HDAC9: variants seen among roughly 807,000 people sequenced by gnomAD.
HDAC9 encodes MEF-2 interacting transcription repressor (MITR) protein.
Under a neutral mutation model 139.4 loss-of-function variants are expected in HDAC9, and 41 were observed. The ratio of observed to expected loss-of-function variants is 0.29; its 90% CI spans 0.23 to 0.38. The LOEUF is 0.38. HDAC9 is among the 10% of genes least tolerant of loss of function. The probability of loss-of-function intolerance (pLI) is 1.00; values close to 1 mark genes in which losing one functional copy is unlikely to be tolerated. For missense variants in HDAC9, 1,147 were observed against 1,297.0 expected (o/e 0.88, Z 1.78); for synonymous variants, 517 against 476.2 (o/e 1.09, Z -1.12).
chr7:18,677,647 G>A, intron 12 of HDAC9, among the ~76,000 whole-genome samples: 1 of 151,700 alleles, frequency 6.6e-6, no homozygotes, highest in East Asian at 1.9e-4. Context: ...GATATTGTCG[G>A]GTTTTTCTAA....
chr7:18,888,342 G>A (rs1446121004), intron 22 of HDAC9, among the ~76,000 whole-genome samples: 5 of 152,122 alleles, frequency 3.3e-5, no homozygotes, highest in African/African-American at 4.8e-5. Context: ...GGAAAATGGC[G>A]TGAACCCGGG....
At chr7:18,896,064 A>C (rs563967870) in intron 22 of HDAC9, among the ~76,000 whole-genome samples, 2 of 152,206 alleles carry the variant, frequency 1.3e-5, no homozygotes, top group African/African-American at 2.4e-5. Context: ...AACATCAAGA[A>C]GATACTTTTC....
chr7:18,995,899 G>C, intron 25 of HDAC9, 124 bp from the exon 26 acceptor site: 1 of 642,698 alleles, frequency 1.6e-6, no homozygotes, highest in Non-Finnish European at 2.6e-6. Context: ...TCTATTTATG[G>C]ATAACTGAAT....
intron 2 of HDAC9, among the ~76,000 whole-genome samples, chr7:18,248,047 T>A (rs1181453827): frequency 1.3e-5 from 2 of 152,174 alleles, no homozygotes; most frequent in African/African-American, 4.8e-5. Context: ...GGAAATTATA[T>A]GCAAGACTCA....
intron 2 of HDAC9, among the ~76,000 whole-genome samples, chr7:18,278,880 A>G (rs555521818): frequency 1.3e-5 from 2 of 152,194 alleles, no homozygotes; most frequent in Non-Finnish European, 2.9e-5. Context: ...TCTATTGAAT[A>G]TTCTATTGAA....
chr7:18,826,680 T>A (rs1460878256), intron 17 of HDAC9, among the ~76,000 whole-genome samples: 19 of 151,660 alleles, frequency 1.3e-4, no homozygotes, highest in Middle Eastern at 6.8e-3. Flanking sequence ...GTTTTTTTTT[T>A]AATAATCCAA....
chr7:18,130,227 G>A (rs1265507981), intron 1 of HDAC9, among the ~76,000 whole-genome samples: 2 of 152,064 alleles, frequency 1.3e-5, no homozygotes, highest in Non-Finnish European at 2.9e-5. Flanking sequence ...TGCTCAAAAC[G>A]TTTCAGATTT....
intron 13 of HDAC9, among the ~76,000 whole-genome samples, chr7:18,743,449 G>A (rs960151497): frequency 6.6e-6 from 1 of 151,790 alleles, no homozygotes; most frequent in Non-Finnish European, 1.5e-5. Context: ...GAATTTTTAG[G>A]CATTATATCA....
intron 6 of HDAC9, among the ~76,000 whole-genome samples, chr7:18,606,239 T>C (rs1258322412): frequency 1.3e-5 from 2 of 152,212 alleles, no homozygotes; most frequent in Admixed American, 1.3e-4. Context: ...GTTCAGCTTT[T>C]TACTTGTGGT....
At chr7:18,904,629 G>C (rs2129283907) in intron 22 of HDAC9, among the ~76,000 whole-genome samples, 1 of 129,372 alleles carries the variant, frequency 7.7e-6, no homozygotes, top group South Asian at 2.5e-4. Flanking sequence ...CCAGGCTGAA[G>C]TGCAGTGACG....
intron 2 of HDAC9, among the ~76,000 whole-genome samples, chr7:18,206,345 A>T (rs1261384047): frequency 1.3e-5 from 2 of 152,228 alleles, no homozygotes; most frequent in African/African-American, 4.8e-5. Context: ...CCTGACTATT[A>T]AAATATAGAA....
intron 1 of HDAC9, among the ~76,000 whole-genome samples, chr7:18,452,069 A>G (rs1368548142): frequency 6.6e-6 from 1 of 152,186 alleles, no homozygotes; most frequent in Non-Finnish European, 1.5e-5. Flanking sequence ...GTCCGGAGTC[A>G]GCATTTGAAC....
At chr7:18,891,394 C>T (rs1800668326) in intron 22 of HDAC9, among the ~76,000 whole-genome samples, 1 of 152,172 alleles carries the variant, frequency 6.6e-6, no homozygotes, top group Non-Finnish European at 1.5e-5. Flanking sequence ...TTAAGAGCTG[C>T]ATTTTACTAA....
chr7:18,119,480 C>A (rs1231924011), intron 1 of HDAC9, among the ~76,000 whole-genome samples: 1 of 152,158 alleles, frequency 6.6e-6, no homozygotes, highest in Non-Finnish European at 1.5e-5. Context: ...TTCTTACCAC[C>A]AAACTTGTCT....
At chr7:18,232,313 T>C (rs544877209) in intron 2 of HDAC9, among the ~76,000 whole-genome samples, 2 of 152,090 alleles carry the variant, frequency 1.3e-5, no homozygotes, top group Non-Finnish European at 2.9e-5. Context: ...ATATGGGGTG[T>C]AATTATAGCC....
chr7:18,824,044 G>GGAAGAGGAAGAGGAA lies in HDAC9; in HGVS notation c.2323-5112_2323-5111insGGAAGAGGAAGAAGA, dbSNP rs71309048. 6.9e-3 allele frequency among the ~76,000 whole-genome samples: 463 copies of GGAAGAGGAAGAGGAA among 67,130 alleles called. 5 individuals are homozygous for GGAAGAGGAAGAGGAA. Among genetic ancestry groups the GGAAGAGGAAGAGGAA allele is most frequent in the South Asian group, 0.017 (15 of 870 alleles). The allele number at this position is 67,130 out of a possible 152,430, so 44.0% of individuals were successfully genotyped here. On this transcript the variant is annotated intron_variant, in intron 17 of 25. Coordinates refer to ENST00000686413, the MANE Select transcript of HDAC9 (RefSeq NM_178425.4). ...AAGAAGAGGAAGAGGAAGAGGAAGAGGAAGAAGAAGAAGAAGAAGAAGAAG... is the reference window on the plus strand; with the variant it reads ...AAGAAGAGGAAGAGGAAGAGGAAGAGGAAGAGGAAGAGGAAGAAGAAGAAGAAGAAGAAGAAGAAG...
chr7:18,209,120 G>C (rs771544727), intron 2 of HDAC9, among the ~76,000 whole-genome samples: 10 of 152,084 alleles, frequency 6.6e-5, no homozygotes, highest in Non-Finnish European at 1.5e-4. Flanking sequence ...AACCACTGTA[G>C]GCATAGACAT....
At chr7:18,344,207 A>C (rs1401359976) in intron 1 of HDAC9, among the ~76,000 whole-genome samples, 3 of 151,904 alleles carry the variant, frequency 2.0e-5, no homozygotes, top group Admixed American at 6.6e-5. Flanking sequence ...TGTTTTGCAA[A>C]TGCTATGACT....
chr7:18,968,917 C>T (rs1784064219), intron 24 of HDAC9, among the ~76,000 whole-genome samples: 1 of 132,032 alleles, frequency 7.6e-6, no homozygotes, highest in South Asian at 2.5e-4. Context: ...CGAGATCTCG[C>T]CATTGCACTC....
Sources: gnomAD v4.1 joint callset for allele counts (sites outside exome capture counted in the v4.1 genomes callset) on GRCh38, gnomAD v4.1.1 for gene constraint, MANE v1.5 for transcripts, NCBI Gene and HGNC (gene_info 2026-07-23, HGNC 2026-07-21) for gene names.